ASTN2: variants seen among roughly 807,000 people sequenced by gnomAD.
ASTN2 encodes astrotactin 2, also known as astrotactin-2.
Under a neutral mutation model 139.8 loss-of-function variants are expected in ASTN2, and 54 were observed. The observed-to-expected ratio is 0.39, with a 90% CI of 0.31 to 0.48. The LOEUF (loss-of-function observed/expected upper bound fraction) is 0.48. Ranked by LOEUF, ASTN2 falls within the 20% of genes least tolerant of loss-of-function variation. The pLI, the probability that ASTN2 is intolerant of heterozygous loss-of-function variation, is 0.95. For missense variants in ASTN2, 1,565 were observed against 1,725.1 expected, an observed-to-expected ratio of 0.91 and a Z score of 1.64; for synonymous variants, 756 against 719.5, an observed-to-expected ratio of 1.05 and a Z score of -0.81.
intron 6 of ASTN2, among the ~76,000 whole-genome samples, chr9:117,020,510 T>A (rs1837848201): frequency 6.6e-6 from 1 of 152,116 alleles, no homozygotes; most frequent in Admixed American, 6.6e-5. Flanking sequence ...ACTACCCGTA[T>A]CTTCCCAGAT....
intron 10 of ASTN2, among the ~76,000 whole-genome samples, chr9:116,916,757 G>T (rs537230565): frequency 1.1e-3 from 168 of 152,234 alleles, no homozygotes; most frequent in African/African-American, 3.8e-3. Context: ...GCTTGAGCCT[G>T]GGAGGCAGAG....
chr9:117,112,783 T>A (rs1829282013), intron 4 of ASTN2, among the ~76,000 whole-genome samples: 1 of 151,998 alleles, frequency 6.6e-6, no homozygotes, highest in South Asian at 2.1e-4. Flanking sequence ...ATGAAAGATC[T>A]TCTTCTTCAA....
intron 2 of ASTN2, among the ~76,000 whole-genome samples, chr9:117,219,791 C>T (rs1832455294): frequency 6.6e-6 from 1 of 152,156 alleles, no homozygotes; most frequent in South Asian, 2.1e-4. Flanking sequence ...ACAAGTCTCT[C>T]TAGGCAGGAT....
rs116503269 is a variant in ASTN2 at position 116,842,810 on chromosome 9, C to G, written c.2040+20773G>C. On this transcript the variant is annotated intron_variant, in intron 11 of 22. Coordinates refer to ENST00000313400, the MANE Select transcript of ASTN2 (RefSeq NM_001365068.1). ...AGTCCTTGGTAATGAAGGACAGCAG[C>G]TGCAGGCACCACCAGGGGGCCTGAG... Among the ~76,000 whole-genome samples the G allele has an allele frequency of 3.8e-3, 574 of 152,190 alleles. 2 individuals are homozygous for G. Among genetic ancestry groups the G allele is most frequent in the African/African-American group, 0.013 (556 of 41,516 alleles).
chr9:116,632,205 A>AGAG lies in ASTN2; in HGVS notation c.3073-11763_3073-11762insCTC, dbSNP rs1554723308. Among the ~76,000 whole-genome samples the AGAG allele has an allele frequency of 3.3e-4, 15 of 45,294 alleles. 1 individual carries two copies. Among genetic ancestry groups the AGAG allele is most frequent in the African/African-American group, 5.7e-4 (5 of 8,726 alleles). 29.7% of individuals were successfully genotyped at this position (45,294 alleles called of 152,430 possible). ...GAGAGGGAGAGAGAGAGAAAGAAAG[A>AGAG]AAAGAAAGAAAGAAAGAAAGAAAGA... On this transcript the variant is annotated intron_variant, in intron 17 of 22. Coordinates refer to ENST00000313400, the MANE Select transcript of ASTN2 (RefSeq NM_001365068.1).
chr9:117,239,334 G>T (rs897962375), intron 2 of ASTN2, among the ~76,000 whole-genome samples: 3 of 152,060 alleles, frequency 2.0e-5, no homozygotes, highest in African/African-American at 4.8e-5. Context: ...TTACAAGTTG[G>T]GGAGAGACAA....
In ASTN2 at chr9:116,927,126, G is replaced by A. The variant is rs574006125; in HGVS notation, c.1889+48082C>T. On this transcript the variant is annotated intron_variant, in intron 10 of 22. Transcript: ENST00000313400. Reference sequence around the variant, plus strand: ...AAACCCATTTTCATTGCAGATTGCAGAAAACCTTGAGCGTTTCACTGAGGA... The same window carrying A: ...AAACCCATTTTCATTGCAGATTGCAAAAAACCTTGAGCGTTTCACTGAGGA... Among the ~76,000 whole-genome samples the A allele has an allele frequency of 1.1e-3, 174 of 152,330 alleles. 1 individual carries two copies. Among genetic ancestry groups the A allele is most frequent in the African/African-American group, 4.0e-3 (168 of 41,582 alleles).
chr9:116,455,736 A>G (rs1279303272), intron 20 of ASTN2, among the ~76,000 whole-genome samples: 1 of 152,016 alleles, frequency 6.6e-6, no homozygotes, highest in Non-Finnish European at 1.5e-5. Flanking sequence ...CTTAAAATCT[A>G]AAAAGTAAAA....
intron 1 of ASTN2, among the ~76,000 whole-genome samples, chr9:117,301,197 T>G (rs1039827016): frequency 6.6e-6 from 1 of 152,194 alleles, no homozygotes. Flanking sequence ...TTGCTTGGTC[T>G]TTGTCATTTC....
intron 1 of ASTN2, among the ~76,000 whole-genome samples, chr9:117,378,861 T>G (rs1420478851): frequency 6.6e-6 from 1 of 152,222 alleles, no homozygotes; most frequent in Non-Finnish European, 1.5e-5. Flanking sequence ...GGGAAGTGAT[T>G]GGATTCTGGG....
chr9:116,507,630 A>C (rs1213656088), intron 19 of ASTN2, among the ~76,000 whole-genome samples: 1 of 152,074 alleles, frequency 6.6e-6, no homozygotes, highest in East Asian at 1.9e-4. Flanking sequence ...AATATTTTGG[A>C]ATTAGTGAAT....
chr9:116,822,452 C>G (rs1210758489), intron 11 of ASTN2, among the ~76,000 whole-genome samples: 1 of 152,172 alleles, frequency 6.6e-6, no homozygotes, highest in Non-Finnish European at 1.5e-5. Context: ...CTGCTTGTCT[C>G]TGAACATTCA....
At chr9:117,341,781 C>G (rs546240669) in intron 1 of ASTN2, among the ~76,000 whole-genome samples, 1 of 152,182 alleles carries the variant, frequency 6.6e-6, no homozygotes, top group African/African-American at 2.4e-5. Context: ...CTGTGGAGTT[C>G]ATTTCACATC....
chr9:117,164,331 C>A (rs534835317), intron 3 of ASTN2, among the ~76,000 whole-genome samples: 2 of 152,166 alleles, frequency 1.3e-5, no homozygotes, highest in East Asian at 3.9e-4. Flanking sequence ...CTGAAGAACC[C>A]TTTGGCCCTG....
At position 117,018,448 on chromosome 9, in the gene ASTN2, C is replaced by G. The variant is rs58531570; in HGVS notation, c.1424-10189G>C. Among the ~76,000 whole-genome samples, 1,064 of 152,118 alleles carry G rather than the reference C, an allele frequency of 7.0e-3. 16 individuals are homozygous for G. The highest frequency in any genetic ancestry group is 0.023 in the African/African-American group (941 of 41,510). On this transcript the variant is annotated intron_variant, in intron 6 of 22. Coordinates refer to ENST00000313400, the MANE Select transcript of ASTN2 (RefSeq NM_001365068.1). ...ATTCTTCCCCAAATCTCTTTCATTA[C>G]TACACTGTGGGTTCGATGCCAACTG...
intron 10 of ASTN2, among the ~76,000 whole-genome samples, chr9:116,897,414 A>G (rs1443735379): frequency 1.3e-5 from 2 of 152,336 alleles, no homozygotes; most frequent in African/African-American, 4.8e-5. Flanking sequence ...ATTACAGGCC[A>G]TTTAGGAAAC....
At chr9:116,958,287 C>G (rs1281499595) in intron 10 of ASTN2, among the ~76,000 whole-genome samples, 1 of 152,064 alleles carries the variant, frequency 6.6e-6, no homozygotes, top group South Asian at 2.1e-4. Flanking sequence ...GAGCCACTCA[C>G]TTAAACTAAA....
chr9:116,886,011 G>C (rs1013427243), intron 10 of ASTN2, among the ~76,000 whole-genome samples: 1 of 152,198 alleles, frequency 6.6e-6, no homozygotes, highest in African/African-American at 2.4e-5. Flanking sequence ...GGCTTTCTGT[G>C]CTACTATTTA....
intron 19 of ASTN2, among the ~76,000 whole-genome samples, chr9:116,549,862 G>A (rs911756377): frequency 1.3e-5 from 2 of 151,896 alleles, no homozygotes; most frequent in East Asian, 3.9e-4. Flanking sequence ...TCCCCTCCAT[G>A]CTTTCTACAC....
Sources: gnomAD v4.1 joint callset for allele counts (sites outside exome capture counted in the v4.1 genomes callset) on GRCh38, gnomAD v4.1.1 for gene constraint, MANE v1.5 for transcripts, NCBI Gene and HGNC (gene_info 2026-07-23, HGNC 2026-07-21) for gene names.